PPP1R8: variants seen among roughly 807,000 people sequenced by gnomAD.
PPP1R8 encodes nuclear inhibitor of protein phosphatase 1.
In PPP1R8, 4 loss-of-function variants were observed where a neutral mutation model predicts 31.3. That is an observed-to-expected ratio of 0.13 (90% confidence interval 0.06 to 0.29). PPP1R8 has a LOEUF of 0.29. Ranked by LOEUF, PPP1R8 falls within the 10% of genes least tolerant of loss-of-function variation. The pLI is 1.00. For missense variants in PPP1R8, 254 were observed against 440.1 expected (o/e 0.58, Z 3.78); for synonymous variants, 170 against 169.7 (o/e 1.00, Z -0.01).
At chr1:27,845,783 C>CTTTTTTTTTTGTTTTT (rs2089272682) in intron 5 of PPP1R8, among the ~76,000 whole-genome samples, 1 of 91,834 alleles carries the variant, frequency 1.1e-5, no homozygotes, top group African/African-American at 5.0e-5. Context: ...TTCTTTCTTT[C>CTTTTTTTTTTGTTTTT]TTTTTTTTTT....
At chr1:27,836,122 C>G (rs2089162915) in intron 2 of PPP1R8, among the ~76,000 whole-genome samples, 1 of 152,198 alleles carries the variant, frequency 6.6e-6, no homozygotes, top group Non-Finnish European at 1.5e-5. Flanking sequence ...CTCTACTCAG[C>G]TTTATGCTAT....
rs187798523 is a variant in PPP1R8 at position 27,844,804 on chromosome 1, G to A, written c.637+1474G>A. 6.4e-3 allele frequency among the ~76,000 whole-genome samples: 840 copies of A among 130,740 alleles called. 5 individuals carry two copies. The highest frequency in any genetic ancestry group is 0.024 in the African/African-American group (813 of 33,580). The allele number at this position is 130,740 out of a possible 152,430, so 85.8% of individuals were successfully genotyped here. A position where few individuals can be genotyped will look rare whatever the true frequency, so the allele number is the denominator to read the frequency against. On this transcript the variant is annotated intron_variant, in intron 5 of 6. Transcript: ENST00000311772. ...ACGATCTCAGTTCACTGCAACCTCC[G>A]CCTCCTGGGTTCACGCCATTTTCCT...
intron 5 of PPP1R8, among the ~76,000 whole-genome samples, chr1:27,845,012 C>T (rs1179122871): frequency 2.1e-5 from 3 of 139,698 alleles, no homozygotes; most frequent in Admixed American, 7.3e-5. Context: ...GGATTACAGG[C>T]GTGAGCCACC....
chr1:27,844,694 G>C lies in PPP1R8; in HGVS notation c.637+1364G>C, dbSNP rs960025113. On this transcript the variant is annotated intron_variant, in intron 5 of 6. Coordinates refer to ENST00000311772, the MANE Select transcript of PPP1R8 (RefSeq NM_014110.5). ...CAGCAATTTGGGAACCACTGGACTAGACAAATTTCTTTTTTTTTTTTTTTT... is the reference window on the plus strand; with the variant it reads ...CAGCAATTTGGGAACCACTGGACTACACAAATTTCTTTTTTTTTTTTTTTT... 3.7e-4 allele frequency among the ~76,000 whole-genome samples: 49 copies of C among 134,028 alleles called. 1 individual carries two copies. Among genetic ancestry groups the C allele is most frequent in the African/African-American group, 1.3e-3 (47 of 35,814 alleles). The allele number at this position is 134,028 out of a possible 152,430, so 87.9% of individuals were successfully genotyped here.
intron 2 of PPP1R8, among the ~76,000 whole-genome samples, chr1:27,835,012 C>A (rs1256504472): frequency 6.6e-6 from 1 of 151,634 alleles, no homozygotes; most frequent in African/African-American, 2.4e-5. Context: ...AGCAAGACTC[C>A]ATCTCAAAAA....
intron 5 of PPP1R8, among the ~76,000 whole-genome samples, chr1:27,844,763 G>A (rs1289592622): frequency 1.5e-5 from 2 of 133,730 alleles, no homozygotes; most frequent in African/African-American, 2.9e-5. Context: ...AGGCTGGAGT[G>A]CTGGAGTGCA....
In PPP1R8 at chr1:27,843,344, C is replaced by G; in HGVS notation, c.637+14C>G. ...TCATCAACCCAGGTGAGGTATCTTG[C>G]TAGTTTATTCTGATGAAAAAGCTGT... On this transcript the variant is annotated intron_variant, in intron 5 of 6. Coordinates refer to ENST00000311772, the MANE Select transcript of PPP1R8 (RefSeq NM_014110.5). 2 of 1,614,016 alleles carry G rather than the reference C, an allele frequency of 1.2e-6. No homozygotes were observed. Among genetic ancestry groups the G allele is most frequent in the East Asian group, 4.5e-5 (2 of 44,880 alleles).
At position 27,830,861 on chromosome 1, in the gene PPP1R8, C is replaced by T. The variant is rs776292651; in HGVS notation, c.26C>T (p.Ser9Phe). Residue 9 changes from serine to phenylalanine, a missense_variant, in exon 1 of 7, where the codon TCT becomes TTT. By Grantham distance (155) the Ser-to-Phe change is radical (BLOSUM62 -2). Transcript: ENST00000311772. The part of the protein sequence containing the change: MAAAANSG[S>F]SLPLFDCPTW... ...ATGGCGGCAGCCGCGAACTCCGGCT[C>T]TAGCCTCCCGCTGTTCGACTGCCCA... The T allele has an allele frequency of 4.4e-6, 7 of 1,575,564 alleles. No homozygotes were observed. Among genetic ancestry groups the T allele is most frequent in the Middle Eastern group, 1.7e-4 (1 of 6,010 alleles).
chr1:27,833,454 C>A (rs543996568), intron 2 of PPP1R8, among the ~76,000 whole-genome samples: 1 of 152,160 alleles, frequency 6.6e-6, no homozygotes, highest in Non-Finnish European at 1.5e-5. Flanking sequence ...GAATTAAGTA[C>A]TATAAAAGTT....
At chr1:27,840,968 G>T (rs934796036) in intron 3 of PPP1R8, 46 bp from the exon 4 acceptor site, 2 of 1,585,862 alleles carry the variant, frequency 1.3e-6, no homozygotes, top group African/African-American at 2.7e-5. Context: ...TAAAACTCAG[G>T]TTGTTTTTGT....
At position 27,851,477 on chromosome 1, in the gene PPP1R8, G is replaced by A; in HGVS notation, c.*1031G>A. 1 of 452,300 alleles carries A rather than the reference G, an allele frequency of 2.2e-6. No homozygotes were observed. Among genetic ancestry groups the A allele is most frequent in the Admixed American group, 2.4e-5 (1 of 42,444 alleles). 28.0% of individuals were successfully genotyped at this position (452,300 alleles called of 1,614,324 possible). On this transcript the variant is annotated 3_prime_UTR_variant, in exon 7 of 7. Coordinates refer to ENST00000311772, the MANE Select transcript of PPP1R8 (RefSeq NM_014110.5). ...TAGGCCTTTTCATGCTTTATGTGTA[G>A]CTTTTTACCTGTAACCTTTATTACA... is the stretch of plus-strand genomic sequence containing the variant.
intron 2 of PPP1R8, chr1:27,834,393 AACTTGATCAGC>A (rs780758568): frequency 1.9e-6 from 1 of 517,294 alleles, no homozygotes; most frequent in Non-Finnish European, 3.9e-6. Context: ...TTTAGATTTA[AACTTGATCAGC>A]ACTTGATACT....
At position 27,850,648 on chromosome 1, in the gene PPP1R8, G is replaced by A. The variant is rs1045250134; in HGVS notation, c.*202G>A. The A allele has an allele frequency of 3.6e-6, 2 of 550,724 alleles. No individual in the cohort carries two copies. Among genetic ancestry groups the A allele is most frequent in the Admixed American group, 3.1e-5 (1 of 32,242 alleles). The allele number at this position is 550,724 out of a possible 1,614,324, so 34.1% of individuals were successfully genotyped here. A position where few individuals can be genotyped will look rare whatever the true frequency, so the allele number is the denominator to read the frequency against. ...GACCTGTCTTCACAACACTTGCATT[G>A]TAGAGAAAGGCTTCTTATATCCTTT... On this transcript the variant is annotated 3_prime_UTR_variant, in exon 7 of 7. Transcript: ENST00000311772.
At chr1:27,849,578 ACT>A (rs2089320127) in intron 6 of PPP1R8, among the ~76,000 whole-genome samples, 1 of 151,712 alleles carries the variant, frequency 6.6e-6, no homozygotes, top group Non-Finnish European at 1.5e-5. Flanking sequence ...CTCATTGCAA[ACT>A]CTGCCTCAAG....
Position 27,850,297 on chromosome 1 carries a change from T to C in PPP1R8, c.907T>C (p.Leu303=). 1 of 1,614,230 alleles carries C rather than the reference T, an allele frequency of 6.2e-7. No individual in the cohort carries two copies. Among genetic ancestry groups the C allele is most frequent in the Non-Finnish European group, 8.5e-7 (1 of 1,180,044 alleles). ...CCCAAACCTTGCCCCTGATGTGGAC[T>C]TGACTCCTGTTGTGCCGTCAGCAGT... ...PYPNLAPDVD[L]TPVVPSAVNM... is the part of the protein sequence containing the mutation. Residue 303 remains leucine, a synonymous_variant, in exon 7 of 7, where the codon TTG becomes CTG. Transcript: ENST00000311772.
At chr1:27,834,742 C>T (rs983144406) in intron 2 of PPP1R8, among the ~76,000 whole-genome samples, 8 of 152,114 alleles carry the variant, frequency 5.3e-5, no homozygotes, top group African/African-American at 1.7e-4. Context: ...TGGCCAGGTG[C>T]GGTGGCGGCT....
intron 3 of PPP1R8, 62 bp downstream of exon 3, chr1:27,838,914 T>A: frequency 7.1e-7 from 1 of 1,400,384 alleles, no homozygotes. Context: ...CTCTTTGGGT[T>A]CTTTAGTTTG....
At chr1:27,849,795 T>C (rs2089322041) in intron 6 of PPP1R8, among the ~76,000 whole-genome samples, 1 of 151,794 alleles carries the variant, frequency 6.6e-6, no homozygotes, top group African/African-American at 2.4e-5. Context: ...ATAAATTAAA[T>C]TGATATGTTT....
intron 4 of PPP1R8, among the ~76,000 whole-genome samples, chr1:27,842,124 T>G (rs1438714423): frequency 6.6e-6 from 1 of 152,170 alleles, no homozygotes; most frequent in Admixed American, 6.5e-5. Flanking sequence ...GCGGATCACC[T>G]GAGGTCAGGA....
Sources: gnomAD v4.1 joint callset for allele counts (sites outside exome capture counted in the v4.1 genomes callset) on GRCh38, gnomAD v4.1.1 for gene constraint, MANE v1.5 for transcripts, NCBI Gene and HGNC (gene_info 2026-07-23, HGNC 2026-07-21) for gene names.